The following SMYD3 variants were observed in gnomAD, a reference collection of about 807,000 sequenced individuals.
SMYD3 encodes the protein SET and MYND domain containing 3.
In SMYD3, 36 loss-of-function variants were observed where a neutral mutation model predicts 57.7. The observed-to-expected ratio is 0.62, with a 90% CI of 0.48 to 0.82. The LOEUF is 0.82. SMYD3 is among the 40% of genes least tolerant of loss of function. SMYD3 has a pLI of 0.00. For synonymous variants in SMYD3, 211 were observed against 195.0 expected (o/e 1.08, Z -0.68); for missense variants, 515 against 538.8 (o/e 0.96, Z 0.44).
At chr1:245,764,247 G>T in intron 10 of SMYD3, 98 bp from the exon 11 acceptor site, 1 of 747,048 alleles carries the variant, frequency 1.3e-6, no homozygotes, top group Non-Finnish European at 2.3e-6. Context: ...CACTAGCTGT[G>T]AATGTTAATG....
At chr1:245,934,241 C>T (rs1024069331) in intron 5 of SMYD3, among the ~76,000 whole-genome samples, 1 of 152,110 alleles carries the variant, frequency 6.6e-6, no homozygotes, top group African/African-American at 2.4e-5. Context: ...AAACCCTGGA[C>T]AGAAAAACTG....
chr1:246,060,800 A>C (rs1218300189), intron 5 of SMYD3, among the ~76,000 whole-genome samples: 1 of 152,192 alleles, frequency 6.6e-6, no homozygotes, highest in Non-Finnish European at 1.5e-5. Flanking sequence ...CAAAAGTCTG[A>C]GGAGACAGTC....
intron 5 of SMYD3, among the ~76,000 whole-genome samples, chr1:245,936,570 G>A (rs1222069736): frequency 6.6e-6 from 1 of 152,098 alleles, no homozygotes; most frequent in Non-Finnish European, 1.5e-5. Flanking sequence ...GCAACCTAAG[G>A]CCCAAAGCAA....
Position 246,119,799 on chromosome 1 carries a change from C to A in SMYD3, c.532-189862G>T, listed in dbSNP as rs377676943. 2.1e-4 allele frequency among the ~76,000 whole-genome samples: 32 copies of A among 152,246 alleles called. No individual in the cohort carries two copies. The South Asian group carries it at 5.6e-3, about 27-fold the overall frequency. On this transcript the variant is annotated intron_variant, in intron 5 of 11. Transcript: ENST00000490107. ...CGCCAGTTTCATCTCCTGCCATGTA[C>A]GACATACACTATTTTTCTTAAGAAT...
intron 5 of SMYD3, among the ~76,000 whole-genome samples, chr1:246,307,809 T>C (rs1209288416): frequency 3.3e-5 from 5 of 152,094 alleles, no homozygotes; most frequent in Admixed American, 2.6e-4. Context: ...CAGGCATAAA[T>C]TGCAGGGGAA....
chr1:246,467,802 A>G (rs968219134), intron 1 of SMYD3, among the ~76,000 whole-genome samples: 3 of 152,246 alleles, frequency 2.0e-5, no homozygotes, highest in African/African-American at 7.2e-5. Flanking sequence ...GACAGACACA[A>G]TAAAAGAAGA....
At chr1:245,881,600 G>A (rs2052781956) in intron 8 of SMYD3, among the ~76,000 whole-genome samples, 1 of 152,132 alleles carries the variant, frequency 6.6e-6, no homozygotes, top group South Asian at 2.1e-4. Flanking sequence ...ACTGTATTGG[G>A]CACTGAGGAC....
At chr1:246,245,614 C>A (rs907111161) in intron 5 of SMYD3, among the ~76,000 whole-genome samples, 3 of 151,478 alleles carry the variant, frequency 2.0e-5, no homozygotes, top group African/African-American at 4.9e-5. Flanking sequence ...AAAAAAAAAT[C>A]AAAAATAACA....
intron 1 of SMYD3, among the ~76,000 whole-genome samples, chr1:246,501,613 A>G (rs1053542539): frequency 6.6e-6 from 1 of 151,976 alleles, no homozygotes; most frequent in African/African-American, 2.4e-5. Context: ...CTCATTCCCT[A>G]CCTGAGAAAC....
At chr1:246,299,057 T>C (rs971869959) in intron 5 of SMYD3, among the ~76,000 whole-genome samples, 8 of 152,082 alleles carry the variant, frequency 5.3e-5, no homozygotes, top group African/African-American at 1.2e-4. Flanking sequence ...TGGCAACATA[T>C]ATAAAAATGT....
At chr1:246,037,469 G>A (rs899942925) in intron 5 of SMYD3, among the ~76,000 whole-genome samples, 1 of 152,206 alleles carries the variant, frequency 6.6e-6, no homozygotes, top group South Asian at 2.1e-4. Context: ...ACTAGCAGGA[G>A]GTTAGCAGGT....
intron 1 of SMYD3, among the ~76,000 whole-genome samples, chr1:246,454,945 A>G (rs1227675122): frequency 2.0e-5 from 3 of 152,200 alleles, no homozygotes; most frequent in Non-Finnish European, 4.4e-5. Context: ...GGTTAAATCA[A>G]TGTCCTCCCA....
At chr1:245,811,115 G>A (rs558762109) in intron 10 of SMYD3, among the ~76,000 whole-genome samples, 8 of 152,260 alleles carry the variant, frequency 5.3e-5, no homozygotes, top group East Asian at 1.9e-4. Context: ...CAGCTGTCAC[G>A]TCTGGTGTAT....
chr1:246,449,508 C>G (rs147368381), intron 1 of SMYD3, among the ~76,000 whole-genome samples: 1 of 152,144 alleles, frequency 6.6e-6, no homozygotes, highest in South Asian at 2.1e-4. Flanking sequence ...GCCAGGAAGA[C>G]CTGGGTTTGG....
intron 10 of SMYD3, among the ~76,000 whole-genome samples, chr1:245,857,631 T>A (rs1483269074): frequency 1.3e-5 from 2 of 152,168 alleles, no homozygotes; most frequent in Non-Finnish European, 2.9e-5. Context: ...TCGCTCCTGG[T>A]CACAGGTGCT....
rs200966028 is a variant in SMYD3, at chr1:246,261,040, G to GT, written c.531+66160dup. On this transcript the variant is annotated intron_variant, in intron 5 of 11. Transcript: ENST00000490107. ...CTGGCTGGAAGTCATCTCTTTCTGGGTTTTGTTGTTGTTGTTGTTGTTGTT... is the reference window on the plus strand; with the variant it reads ...CTGGCTGGAAGTCATCTCTTTCTGGGTTTTTGTTGTTGTTGTTGTTGTTGTT... Among the ~76,000 whole-genome samples, 371 of 133,112 alleles carry GT rather than the reference G, an allele frequency of 2.8e-3. 3 individuals are homozygous for GT. Among genetic ancestry groups the GT allele is most frequent in the African/African-American group, 9.4e-3 (351 of 37,356 alleles). 87.3% of individuals were successfully genotyped at this position (133,112 alleles called of 152,430 possible). A position where few individuals can be genotyped will look rare whatever the true frequency, so the allele number is the denominator to read the frequency against.
chr1:245,840,960 A>C (rs2050373951), intron 10 of SMYD3, among the ~76,000 whole-genome samples: 1 of 152,220 alleles, frequency 6.6e-6, no homozygotes. Flanking sequence ...GCGCACTTCC[A>C]AACTATACTG....
intron 10 of SMYD3, among the ~76,000 whole-genome samples, chr1:245,784,750 G>A (rs1285923845): frequency 2.0e-5 from 3 of 151,976 alleles, no homozygotes; most frequent in African/African-American, 4.8e-5. Context: ...CCCTAGCCTT[G>A]GAAGTCGCAT....
chr1:246,116,139 TAAAAAAGA>T (rs141870632), intron 5 of SMYD3, among the ~76,000 whole-genome samples: 24,327 of 150,186 alleles, frequency 0.16, 3,535 homozygotes, highest in African/African-American at 0.39. Context: ...AAACTCTGTC[TAAAAAAGA>T]AAAAAAGAAA....
Sources: gnomAD v4.1 joint callset for allele counts (sites outside exome capture counted in the v4.1 genomes callset) on GRCh38, gnomAD v4.1.1 for gene constraint, MANE v1.5 for transcripts, NCBI Gene and HGNC (gene_info 2026-07-23, HGNC 2026-07-21) for gene names.